Variants in TRIM2 observed in about 807,000 individuals in gnomAD.
The protein encoded by TRIM2 is tripartite motif-containing protein 2.
A neutral mutation model predicts 75.2 loss-of-function variants in TRIM2; 20 were observed. That is an observed-to-expected ratio of 0.27 (90% CI 0.19 to 0.39). The LOEUF (loss-of-function observed/expected upper bound fraction) is 0.39. Ranked by LOEUF, TRIM2 falls within the 10% of genes least tolerant of loss-of-function variation. The pLI, the probability that TRIM2 is intolerant of heterozygous loss-of-function variation, is 1.00. For synonymous variants in TRIM2, 373 were observed against 388.3 expected (o/e 0.96, Z 0.46); for missense variants, 660 against 990.8 (o/e 0.67, Z 4.48).
intron 8 of TRIM2, among the ~76,000 whole-genome samples, chr4:153,316,873 CTTTTTTTTTTTT>C (rs11397245): frequency 3.1e-4 from 19 of 61,582 alleles, no homozygotes; most frequent in Admixed American, 1.5e-3. Context: ...TGCATTATGC[CTTTTTTTTTTTT>C]TTTTTTTTTT....
chr4:153,244,366 C>A (rs1748148641), intron 1 of TRIM2, among the ~76,000 whole-genome samples: 3 of 43,402 alleles, frequency 6.9e-5, no homozygotes, highest in African/African-American at 1.9e-4. Flanking sequence ...TCTTCTTCTT[C>A]TTCTTCTTCT....
At chr4:153,222,068 GGAAA>G (rs1182057789) in intron 1 of TRIM2, among the ~76,000 whole-genome samples, 10 of 66,896 alleles carry the variant, frequency 1.5e-4, no homozygotes, top group Non-Finnish European at 6.6e-5. Context: ...AAGGAAGGAA[GGAAA>G]GAAAGAGAGA....
At chr4:153,273,132 C>G (rs1280957954) in intron 2 of TRIM2, among the ~76,000 whole-genome samples, 1 of 151,996 alleles carries the variant, frequency 6.6e-6, no homozygotes, top group Non-Finnish European at 1.5e-5. Flanking sequence ...TCACTGCGCC[C>G]GGTGGGGAAA....
intron 1 of TRIM2, among the ~76,000 whole-genome samples, chr4:153,194,713 T>C (rs1733593906): frequency 6.6e-6 from 1 of 152,162 alleles, no homozygotes; most frequent in Non-Finnish European, 1.5e-5. Context: ...TGCATCCAAA[T>C]TTACACTGTT....
intron 1 of TRIM2, among the ~76,000 whole-genome samples, chr4:153,180,892 A>G (rs1055430012): frequency 6.6e-6 from 1 of 152,220 alleles, no homozygotes; most frequent in African/African-American, 2.4e-5. Flanking sequence ...ATAAATATCT[A>G]TTAAGTGCCT....
chr4:153,233,901 CTGTT>C (rs1744323158), intron 1 of TRIM2, among the ~76,000 whole-genome samples: 1 of 152,178 alleles, frequency 6.6e-6, no homozygotes, highest in Non-Finnish European at 1.5e-5. Flanking sequence ...GTTGCAATCA[CTGTT>C]TGCAGGAATT....
upstream of TRIM2, chr4:153,204,382 C>T (rs1734813190): frequency 1.2e-6 from 1 of 815,494 alleles, no homozygotes; most frequent in South Asian, 1.5e-5. Flanking sequence ...TACTGTAGCC[C>T]CGCCCCTTTG....
upstream of TRIM2, among the ~76,000 whole-genome samples, chr4:153,152,832 C>T (rs1296712335): frequency 6.6e-6 from 1 of 152,198 alleles, no homozygotes; most frequent in Non-Finnish European, 1.5e-5. Flanking sequence ...GCGCCTGCCT[C>T]TTGTTTTGTT....
At chr4:153,271,308 T>A (rs1488843727) in intron 2 of TRIM2, among the ~76,000 whole-genome samples, 1 of 152,242 alleles carries the variant, frequency 6.6e-6, no homozygotes, top group East Asian at 1.9e-4. Flanking sequence ...TTATCATTAT[T>A]TAATATACAT....
intron 2 of TRIM2, 113 bp from the exon 3 acceptor site, chr4:153,275,780 G>A: frequency 1.1e-6 from 1 of 929,276 alleles, no homozygotes; most frequent in South Asian, 1.6e-5. Context: ...AAAGGAGACT[G>A]GGATGGGAGT....
chr4:153,291,645 C>T (rs1014475098), intron 3 of TRIM2, among the ~76,000 whole-genome samples: 1 of 152,054 alleles, frequency 6.6e-6, no homozygotes, highest in Non-Finnish European at 1.5e-5. Flanking sequence ...CAAGGTAATA[C>T]CTCTGCAAGG....
chr4:153,260,683 CACA>C, intron 1 of TRIM2, among the ~76,000 whole-genome samples: 1 of 65,472 alleles, frequency 1.5e-5, no homozygotes. Flanking sequence ...CACCCACCCA[CACA>C]CCCACCCCCC....
intron 1 of TRIM2, among the ~76,000 whole-genome samples, chr4:153,176,065 A>C (rs1315343883): frequency 6.6e-6 from 1 of 151,946 alleles, no homozygotes; most frequent in Non-Finnish European, 1.5e-5. Context: ...TAAAAAAAAA[A>C]ACTTTTTTTT....
rs192801665 is a variant in TRIM2, at chr4:153,287,921, G to A, written c.454-5061G>A. On this transcript the variant is annotated intron_variant, in intron 3 of 11. Coordinates refer to ENST00000338700, the MANE Select transcript of TRIM2 (RefSeq NM_015271.5). ...CTTTGTAGTGTATCAAATCAGGTCA[G>A]CTTGCAGGAATCCCTTTGGCATGAC... Among the ~76,000 whole-genome samples the A allele has an allele frequency of 2.9e-3, 436 of 152,208 alleles. 4 individuals are homozygous for A. Among genetic ancestry groups the A allele is most frequent in the African/African-American group, 0.01 (417 of 41,528 alleles).
intron 10 of TRIM2, among the ~76,000 whole-genome samples, chr4:153,326,243 G>A (rs1232573930): frequency 6.6e-6 from 1 of 152,180 alleles, no homozygotes; most frequent in African/African-American, 2.4e-5. Flanking sequence ...GGGAAAAATA[G>A]AAAATATGAA....
intron 1 of TRIM2, among the ~76,000 whole-genome samples, chr4:153,264,263 C>A (rs1754342374): frequency 6.6e-6 from 1 of 152,078 alleles, no homozygotes; most frequent in African/African-American, 2.4e-5. Flanking sequence ...TAATGTTGAC[C>A]ATTTGTATTA....
At chr4:153,223,524 G>A (rs1477304970) in intron 1 of TRIM2, among the ~76,000 whole-genome samples, 3 of 152,204 alleles carry the variant, frequency 2.0e-5, no homozygotes, top group East Asian at 1.9e-4. Context: ...AGAGCAGGGA[G>A]ATGGTGACTT....
chr4:153,302,642 G>A (rs905300809), intron 6 of TRIM2, among the ~76,000 whole-genome samples: 1 of 152,238 alleles, frequency 6.6e-6, no homozygotes, highest in Admixed American at 6.5e-5. Flanking sequence ...CATATAGTGT[G>A]AAAAGGTCAA....
intron 1 of TRIM2, among the ~76,000 whole-genome samples, chr4:153,156,276 G>C (rs1371668492): frequency 6.6e-6 from 1 of 152,082 alleles, no homozygotes; most frequent in Non-Finnish European, 1.5e-5. Flanking sequence ...ACATCTCTTG[G>C]CCTCAGTCTT....
Sources: allele counts gnomAD v4.1 joint callset (sites outside exome capture counted in the v4.1 genomes callset), GRCh38; gene constraint gnomAD v4.1.1; transcripts MANE v1.5; gene names NCBI Gene and HGNC (gene_info 2026-07-23, HGNC 2026-07-21).